RANBP10: variants seen among roughly 807,000 people sequenced by gnomAD.
The protein encoded by RANBP10 is RAN binding protein 10.
Under a neutral mutation model 72.8 loss-of-function variants are expected in RANBP10, and 24 were observed. That is an observed-to-expected ratio of 0.33 (90% CI 0.24 to 0.46). RANBP10 has a LOEUF of 0.46. RANBP10 is among the 20% of genes least tolerant of loss of function. RANBP10 has a pLI of 1.00. For missense variants in RANBP10, 679 were observed against 817.5 expected (o/e 0.83, Z 2.07); for synonymous variants, 310 against 322.3 (o/e 0.96, Z 0.41).
chr16:67,727,654 C>T (rs1021216190), intron 12 of RANBP10, 97 bp downstream of exon 12: 10 of 1,563,654 alleles, frequency 6.4e-6, no homozygotes, highest in Non-Finnish European at 8.7e-6. Context: ...CTGGCTGGAG[C>T]CCACTCTTTC....
At position 67,744,376 on chromosome 16, in the gene RANBP10, A is replaced by G; in HGVS notation, c.480T>C (p.Gly160=). ...FCSSGTGQPY[G]PTFTTGDVIG... is the part of the protein sequence containing the mutation. The stretch of plus-strand genomic sequence containing the variant: ...TCACGTCTCCTGTGGTGAATGTGGG[A>G]CCATAGGGCTGGCCAGTCCCCGAGG... Residue 160 remains glycine (G), a synonymous_variant, in exon 4 of 14, where the codon GGT becomes GGC. Transcript: ENST00000317506. The G allele has an allele frequency of 1.9e-6, 3 of 1,614,184 alleles. No homozygotes were observed. Among genetic ancestry groups the G allele is most frequent in the Non-Finnish European group, 2.5e-6 (3 of 1,180,032 alleles).
intron 4 of RANBP10, chr16:67,740,013 T>C (rs2053935779): frequency 6.6e-6 from 1 of 151,936 alleles, no homozygotes; most frequent in Non-Finnish European, 1.5e-5. Flanking sequence ...TTTTTTTTTT[T>C]GAGACGGAGT....
intron 3 of RANBP10, among the ~76,000 whole-genome samples, chr16:67,767,619 C>T (rs1054256331): frequency 4.7e-5 from 7 of 149,106 alleles, no homozygotes; most frequent in African/African-American, 7.4e-5. Context: ...TTTTTTGAGA[C>T]GGCGTCTCGC....
chr16:67,793,308 A>ATTTT (rs752769973), intron 2 of RANBP10, among the ~76,000 whole-genome samples: 2 of 131,508 alleles, frequency 1.5e-5, no homozygotes, highest in African/African-American at 2.9e-5. Flanking sequence ...CTGGCTTGTA[A>ATTTT]TTTTTTTTTT....
rs1354328094 is a variant in RANBP10 at position 67,731,261 on chromosome 16, G to T, written c.889+211C>A. 5.8e-6 allele frequency: 3 copies of T among 517,664 alleles called. No homozygotes were observed. In the Admixed American group the frequency reaches 1.0e-4, roughly 17 times the overall value. The allele number at this position is 517,664 out of a possible 1,614,324, so 32.1% of individuals were successfully genotyped here. On this transcript the variant is annotated intron_variant, in intron 7 of 13. Coordinates refer to ENST00000317506, the MANE Select transcript of RANBP10 (RefSeq NM_020850.3). ...CCCAGCCTTCAGAATGTGCATTAGG[G>T]AGGCTGCCCTGAGACGTCTCCATCC... is the stretch of plus-strand genomic sequence containing the variant.
Position 67,734,926 on chromosome 16 carries a change from C to A in RANBP10, c.708G>T (p.Lys236Asn), listed in dbSNP as rs2053811403. The change falls in exon 6 of 14, where the codon AAG (lysine) becomes AAT (asparagine). Residue 236 changes from lysine to asparagine, a missense_variant. Physicochemically the swap from Lys to Asn is moderately conservative, Grantham distance 94 (BLOSUM62 0). Coordinates refer to ENST00000317506, the MANE Select transcript of RANBP10 (RefSeq NM_020850.3). ...GGAAGCAGTGGACCGTGCCCTGGAC[C>A]TTGGCACGCCACTCCCGCATGTAGT... ...IEDYMREWRA[K>N]VQGTVHCFPI... The A allele has an allele frequency of 4.3e-6, 7 of 1,613,924 alleles. No individual in the cohort carries two copies. Among genetic ancestry groups the A allele is most frequent in the Non-Finnish European group, 5.1e-6 (6 of 1,179,924 alleles).
chr16:67,778,210 A>G (rs910708314), intron 2 of RANBP10, among the ~76,000 whole-genome samples: 20 of 152,204 alleles, frequency 1.3e-4, no homozygotes, highest in Admixed American at 4.6e-4. Flanking sequence ...CTAGCTGGGC[A>G]TAGTGGCGCA....
chr16:67,748,935 T>C (rs2054143370), intron 3 of RANBP10, among the ~76,000 whole-genome samples: 1 of 152,166 alleles, frequency 6.6e-6, no homozygotes, highest in South Asian at 2.1e-4. Flanking sequence ...CAGCATACCA[T>C]AGGAACATGC....
intron 2 of RANBP10, among the ~76,000 whole-genome samples, chr16:67,794,843 C>G (rs1011557053): frequency 1.1e-4 from 16 of 145,572 alleles, no homozygotes; most frequent in African/African-American, 4.1e-4. Context: ...CCTACATATT[C>G]TTTAACAGTT....
chr16:67,793,326 T>A (rs892248198), intron 2 of RANBP10, among the ~76,000 whole-genome samples: 12 of 151,188 alleles, frequency 7.9e-5, no homozygotes, highest in African/African-American at 2.9e-4. Context: ...TTTTTTTTTT[T>A]TTTTTAGATG....
At position 67,730,826 on chromosome 16, in the gene RANBP10, A is replaced by C. The variant is rs1435289771; in HGVS notation, c.889+646T>G. ...CTCACAGACACGCATATCCACACCC[A>C]CTTGCCCTCATTCTCCTTTTCTCCT... On this transcript the variant is annotated intron_variant, in intron 7 of 13. Coordinates refer to ENST00000317506, the MANE Select transcript of RANBP10 (RefSeq NM_020850.3). This position sits in a 1 kb window ranked among gnomAD's most constrained non-coding sequence, Gnocchi z 4.3. Among the ~76,000 whole-genome samples the C allele has an allele frequency of 6.6e-6, 1 of 152,006 alleles. No individual in the cohort carries two copies. Among genetic ancestry groups the C allele is most frequent in the Non-Finnish European group, 1.5e-5 (1 of 67,972 alleles).
At position 67,734,655 on chromosome 16, in the gene RANBP10, G is replaced by A. The variant is rs72790356; in HGVS notation, c.776+203C>T. Among the ~76,000 whole-genome samples, 510 of 152,308 alleles carry A rather than the reference G, an allele frequency of 3.3e-3. 1 individual carries two copies. The highest frequency in any genetic ancestry group is 5.0e-3 in the Non-Finnish European group (340 of 68,018). On this transcript the variant is annotated intron_variant, in intron 6 of 13. Transcript: ENST00000317506. ...GGCTGAGAGGCAAAGGTTTAATTAG[G>A]AGCAGCCCGGAGAACTCGGTGGGAG...
intron 4 of RANBP10, among the ~76,000 whole-genome samples, chr16:67,742,028 A>G (rs2053979061): frequency 6.6e-6 from 1 of 151,892 alleles, no homozygotes. Flanking sequence ...AATAATATCC[A>G]TGTGGAAAAA....
intron 2 of RANBP10, among the ~76,000 whole-genome samples, chr16:67,776,038 A>G (rs1275011027): frequency 6.6e-6 from 1 of 151,670 alleles, no homozygotes; most frequent in Non-Finnish European, 1.5e-5. Context: ...CCAGCTACTC[A>G]GGAGGCTGAG....
intron 3 of RANBP10, among the ~76,000 whole-genome samples, chr16:67,760,451 C>A (rs1199865936): frequency 6.6e-6 from 1 of 152,172 alleles, no homozygotes; most frequent in African/African-American, 2.4e-5. Context: ...TCCTGTTGGG[C>A]CTATGCCTCT....
intron 2 of RANBP10, among the ~76,000 whole-genome samples, chr16:67,773,989 A>C (rs2054652052): frequency 6.6e-6 from 1 of 152,194 alleles, no homozygotes; most frequent in Non-Finnish European, 1.5e-5. Flanking sequence ...ATTAGATTAA[A>C]ACTTGCACAT....
chr16:67,794,946 CA>C (rs58774846), intron 2 of RANBP10, among the ~76,000 whole-genome samples: 18 of 97,270 alleles, frequency 1.9e-4, no homozygotes, highest in South Asian at 6.7e-4. Context: ...AAAAAAAAAA[CA>C]AAAAAAAAAA....
At chr16:67,792,797 G>T (rs1339507007) in intron 2 of RANBP10, among the ~76,000 whole-genome samples, 1 of 147,588 alleles carries the variant, frequency 6.8e-6, no homozygotes, top group Non-Finnish European at 1.5e-5. Context: ...AAAAAAAAAA[G>T]AATAGGCCAG....
intron 2 of RANBP10, among the ~76,000 whole-genome samples, chr16:67,797,651 A>G (rs2055157142): frequency 6.6e-6 from 1 of 152,072 alleles, no homozygotes; most frequent in South Asian, 2.1e-4. Flanking sequence ...CTCTACTAAA[A>G]ATACCAAAAT....
Sources: gnomAD v4.1 joint callset for allele counts (sites outside exome capture counted in the v4.1 genomes callset) on GRCh38, gnomAD v4.1.1 for gene constraint, Gnocchi (gnomAD v3.1) non-coding constraint, MANE v1.5 for transcripts, NCBI Gene and HGNC (gene_info 2026-07-23, HGNC 2026-07-21) for gene names.